CSMD1: variants seen among roughly 807,000 people sequenced by gnomAD.
CSMD1 encodes CUB and sushi domain-containing protein 1.
CSMD1 carries 213 observed loss-of-function variants against 417.5 expected under a neutral mutation model. That is an observed-to-expected ratio of 0.51 (90% CI 0.46 to 0.57). The LOEUF (loss-of-function observed/expected upper bound fraction) is 0.57. CSMD1 is among the 20% of genes least tolerant of loss of function. CSMD1 has a pLI of 0.00. For missense variants in CSMD1, 6,923 were observed against 4,529.7 expected (o/e 1.53, Z -15.17); for synonymous variants, 2,862 against 1,736.8 (o/e 1.65, Z -16.11).
At chr8:3,783,398 C>T (rs144201898) in intron 5 of CSMD1, among the ~76,000 whole-genome samples, 140 of 152,330 alleles carry the variant, frequency 9.2e-4, no homozygotes, top group African/African-American at 2.9e-3. Context: ...GGGTGACCCA[C>T]GGCTGGCACA....
At position 4,356,609 on chromosome 8, in the gene CSMD1, C is replaced by G. The variant is rs534722997; in HGVS notation, c.415+63344G>C. Among the ~76,000 whole-genome samples the G allele has an allele frequency of 2.4e-4, 36 of 152,274 alleles. No individual in the cohort carries two copies. The Middle Eastern group carries it at 0.01, about 43-fold the overall frequency. ...TACCTCTATCCTGTAAGCATCTTGG[C>G]TGTTTTCACTGTGTCTGCTTTATTC... On this transcript the variant is annotated intron_variant, in intron 3 of 69. Coordinates refer to ENST00000635120, the MANE Select transcript of CSMD1 (RefSeq NM_033225.6).
At chr8:3,964,628 G>A (rs747431495) in intron 5 of CSMD1, among the ~76,000 whole-genome samples, 1 of 152,128 alleles carries the variant, frequency 6.6e-6, no homozygotes, top group Non-Finnish European at 1.5e-5. Flanking sequence ...TAGTTGCAAA[G>A]AAATATTTAA....
chr8:4,368,676 C>A (rs929059035), intron 3 of CSMD1, among the ~76,000 whole-genome samples: 1 of 152,052 alleles, frequency 6.6e-6, no homozygotes, highest in African/African-American at 2.4e-5. Flanking sequence ...ATTTTAATTT[C>A]TTCCTGGCTT....
intron 2 of CSMD1, among the ~76,000 whole-genome samples, chr8:4,465,038 G>T (rs567836393): frequency 1.3e-5 from 2 of 152,086 alleles, no homozygotes; most frequent in Admixed American, 6.6e-5. Flanking sequence ...GGAAAAAAGG[G>T]AAACACAACA....
intron 37 of CSMD1, among the ~76,000 whole-genome samples, chr8:3,170,766 G>A (rs905272500): frequency 2.0e-5 from 3 of 152,310 alleles, no homozygotes; most frequent in Admixed American, 2.0e-4. Context: ...GTGTAAGTTT[G>A]TATTTAAAAT....
At chr8:3,958,055 T>C (rs573432055) in intron 5 of CSMD1, among the ~76,000 whole-genome samples, 51 of 152,340 alleles carry the variant, frequency 3.3e-4, no homozygotes, top group African/African-American at 1.1e-3. Flanking sequence ...TGTGCCTGTA[T>C]ACTGTTCATG....
At chr8:3,674,128 AG>A (rs1799242124) in intron 7 of CSMD1, among the ~76,000 whole-genome samples, 1 of 152,216 alleles carries the variant, frequency 6.6e-6, no homozygotes, top group East Asian at 1.9e-4. Context: ...AAATCTCCCT[AG>A]AAACTGTCCA....
At chr8:4,704,609 C>G (rs956697066) in intron 1 of CSMD1, among the ~76,000 whole-genome samples, 2 of 152,210 alleles carry the variant, frequency 1.3e-5, no homozygotes, top group Admixed American at 6.5e-5. Flanking sequence ...TCTGTATTTT[C>G]TAATTCTGTA....
chr8:3,101,875 C>G (rs1209052733), intron 46 of CSMD1, among the ~76,000 whole-genome samples: 1 of 148,810 alleles, frequency 6.7e-6, no homozygotes, highest in East Asian at 2.0e-4. Context: ...GATCTCAGCT[C>G]ACTGCAACCT....
At chr8:3,256,204 G>C (rs1284220335) in intron 26 of CSMD1, among the ~76,000 whole-genome samples, 1 of 151,190 alleles carries the variant, frequency 6.6e-6, no homozygotes, top group Non-Finnish European at 1.5e-5. Flanking sequence ...GGTGGCACCT[G>C]TAATCCCAAC....
In CSMD1 at chr8:4,893,959, T is replaced by G. The variant is rs150460775; in HGVS notation, c.85+100373A>C. Among the ~76,000 whole-genome samples, 236 of 152,112 alleles carry G rather than the reference T, an allele frequency of 1.6e-3. 2 individuals are homozygous for G. Among genetic ancestry groups the G allele is most frequent in the African/African-American group, 5.5e-3 (229 of 41,492 alleles). ...TTAAATGTTGTAAAGCTTTTTGTCT[T>G]TTTTTTAGGTACAGATTTTCAAGAA... is the stretch of plus-strand genomic sequence containing the variant. On this transcript the variant is annotated intron_variant, in intron 1 of 69. Transcript: ENST00000635120.
Position 3,099,458 on chromosome 8 carries a change from T to A in CSMD1, c.6950-2421A>T, listed in dbSNP as rs559725884. Among the ~76,000 whole-genome samples, 4 of 152,286 alleles carry A rather than the reference T, an allele frequency of 2.6e-5. No individual in the cohort carries two copies. In the East Asian group the frequency reaches 7.7e-4, roughly 29 times the overall value. On this transcript the variant is annotated intron_variant, in intron 46 of 69. Coordinates refer to ENST00000635120, the MANE Select transcript of CSMD1 (RefSeq NM_033225.6). ...ATTCACCTGACTTTGGGTCTATTCA[T>A]CCTTCTCTAGGCTGACCTTATACTA... is the stretch of plus-strand genomic sequence containing the variant.
At chr8:4,902,681 TA>T (rs1563720113) in intron 1 of CSMD1, among the ~76,000 whole-genome samples, 1 of 152,152 alleles carries the variant, frequency 6.6e-6, no homozygotes, top group African/African-American at 2.4e-5. Context: ...TACTTTTGAA[TA>T]GGTGATATAC....
chr8:3,712,977 G>A (rs907379401), intron 6 of CSMD1, among the ~76,000 whole-genome samples: 1 of 152,080 alleles, frequency 6.6e-6, no homozygotes, highest in Non-Finnish European at 1.5e-5. Context: ...CTTCAAAGGT[G>A]CTGAGAGTTG....
At chr8:3,253,252 G>C (rs570555108) in intron 26 of CSMD1, among the ~76,000 whole-genome samples, 1 of 152,208 alleles carries the variant, frequency 6.6e-6, no homozygotes, top group Non-Finnish European at 1.5e-5. Flanking sequence ...TGGTTTCAAA[G>C]AACATCTTTA....
intron 3 of CSMD1, among the ~76,000 whole-genome samples, chr8:4,037,886 G>A (rs1248251232): frequency 6.6e-6 from 1 of 151,928 alleles, no homozygotes; most frequent in Admixed American, 6.6e-5. Flanking sequence ...TACAATAACT[G>A]AAATTCACGT....
intron 2 of CSMD1, among the ~76,000 whole-genome samples, chr8:4,475,537 T>G (rs1301006113): frequency 6.6e-6 from 1 of 152,172 alleles, no homozygotes; most frequent in Non-Finnish European, 1.5e-5. Flanking sequence ...CTAGAAAGTT[T>G]CATCTATCTT....
intron 1 of CSMD1, among the ~76,000 whole-genome samples, chr8:4,690,395 C>T (rs1220963519): frequency 6.6e-6 from 1 of 152,264 alleles, no homozygotes; most frequent in South Asian, 2.1e-4. Context: ...GTTGCTAACA[C>T]ATTCAAAATT....
rs7842704 is a variant in CSMD1, at chr8:3,642,898, T to A, written c.1010-26101A>T. 5.7e-3 allele frequency among the ~76,000 whole-genome samples: 872 copies of A among 151,854 alleles called. 9 individuals are homozygous for A. Among genetic ancestry groups the A allele is most frequent in the African/African-American group, 0.02 (827 of 41,438 alleles). On this transcript the variant is annotated intron_variant, in intron 7 of 69. Coordinates refer to ENST00000635120, the MANE Select transcript of CSMD1 (RefSeq NM_033225.6). ...TATATAGATTATACATACACACACA[T>A]ATATATATAATGTAACTTTCTGAAG...
Sources: gnomAD v4.1 joint callset for allele counts (sites outside exome capture counted in the v4.1 genomes callset) on GRCh38, gnomAD v4.1.1 for gene constraint, MANE v1.5 for transcripts, NCBI Gene and HGNC (gene_info 2026-07-23, HGNC 2026-07-21) for gene names.